KCNH1: variants seen among roughly 807,000 people sequenced by gnomAD.
The protein encoded by KCNH1 is voltage-gated delayed rectifier potassium channel KCNH1.
In KCNH1, 27 loss-of-function variants were observed where a neutral mutation model predicts 69.2. That is an observed-to-expected ratio of 0.39 (90% confidence interval 0.29 to 0.54). The LOEUF (loss-of-function observed/expected upper bound fraction) is 0.54. Ranked by LOEUF, KCNH1 falls within the 20% of genes least tolerant of loss-of-function variation. KCNH1 has a pLI of 0.68. For synonymous variants in KCNH1, 456 were observed against 487.7 expected (o/e 0.93, Z 0.86); for missense variants, 798 against 1,261.6 (o/e 0.63, Z 5.57).
intron 10 of KCNH1, among the ~76,000 whole-genome samples, chr1:210,764,146 C>T (rs570119382): frequency 5.9e-5 from 9 of 152,010 alleles, no homozygotes; most frequent in Non-Finnish European, 8.8e-5. Flanking sequence ...ATAAATGATA[C>T]GAGAAAATTG....
chr1:210,784,390 AAGAC>A (rs1457845419), intron 9 of KCNH1, among the ~76,000 whole-genome samples: 1 of 152,238 alleles, frequency 6.6e-6, no homozygotes, highest in East Asian at 1.9e-4. Flanking sequence ...ACATACATCA[AAGAC>A]AGACAGACAC....
At position 210,891,865 on chromosome 1, in the gene KCNH1, G is replaced by A. The variant is rs34640543; in HGVS notation, c.1462+27775C>T. On this transcript the variant is annotated intron_variant, in intron 7 of 10. Transcript: ENST00000271751. ...AAAGAAAATGTGGCACATATTCACC[G>A]TGGATACTATGCAGACATAAAAAAG... Among the ~76,000 whole-genome samples, 52 of 152,206 alleles carry A rather than the reference G, an allele frequency of 3.4e-4. No individual in the cohort carries two copies. In the East Asian group the frequency reaches 7.5e-3, roughly 22 times the overall value.
intron 3 of KCNH1, among the ~76,000 whole-genome samples, chr1:211,100,684 G>A (rs1355821140): frequency 6.6e-6 from 1 of 152,178 alleles, no homozygotes; most frequent in African/African-American, 2.4e-5. Context: ...TACTCCATGA[G>A]TTTGGGTGGA....
At chr1:210,701,850 C>T (rs1681789359) in intron 10 of KCNH1, among the ~76,000 whole-genome samples, 1 of 152,124 alleles carries the variant, frequency 6.6e-6, no homozygotes, top group African/African-American at 2.4e-5. Context: ...CCCTCCACTG[C>T]TGACCTATGG....
chr1:211,073,964 G>A (rs1231037395), intron 5 of KCNH1, among the ~76,000 whole-genome samples: 1 of 151,648 alleles, frequency 6.6e-6, no homozygotes, highest in Non-Finnish European at 1.5e-5. Flanking sequence ...CTCTAGCCAG[G>A]CTAACTAAAA....
chr1:211,068,820 C>A (rs934476304), intron 5 of KCNH1, among the ~76,000 whole-genome samples: 10 of 152,136 alleles, frequency 6.6e-5, no homozygotes, highest in Non-Finnish European at 1.3e-4. Context: ...TGAACAGAAA[C>A]CTCCACAGGA....
intron 5 of KCNH1, among the ~76,000 whole-genome samples, chr1:211,050,322 C>T (rs186731430): frequency 1.2e-3 from 156 of 133,202 alleles, no homozygotes; most frequent in African/African-American, 3.7e-3. Context: ...GCTGGGGTGG[C>T]GCTCTAGTCA....
At chr1:210,749,042 C>A (rs1054271724) in intron 10 of KCNH1, among the ~76,000 whole-genome samples, 2 of 152,180 alleles carry the variant, frequency 1.3e-5, no homozygotes, top group African/African-American at 4.8e-5. Context: ...AGTTTGAATT[C>A]TCCCCAGGCT....
chr1:210,960,218 C>A (rs1339456058), intron 6 of KCNH1, among the ~76,000 whole-genome samples: 1 of 152,194 alleles, frequency 6.6e-6, no homozygotes, highest in East Asian at 1.9e-4. Flanking sequence ...TGCATCTACC[C>A]ATGTGCTCTT....
intron 3 of KCNH1, among the ~76,000 whole-genome samples, chr1:211,094,844 T>C (rs1691117649): frequency 6.6e-6 from 1 of 152,218 alleles, no homozygotes; most frequent in East Asian, 1.9e-4. Flanking sequence ...TCCTAGGTGG[T>C]ACAGACCAGT....
At chr1:210,719,554 T>C (rs117979413) in intron 10 of KCNH1, among the ~76,000 whole-genome samples, 1 of 151,986 alleles carries the variant, frequency 6.6e-6, no homozygotes, top group East Asian at 1.9e-4. Context: ...GGGGAGTGGA[T>C]AGCAAGGGGA....
chr1:210,757,537 A>C (rs989895274), intron 10 of KCNH1, among the ~76,000 whole-genome samples: 2 of 151,988 alleles, frequency 1.3e-5, no homozygotes, highest in African/African-American at 4.8e-5. Context: ...CCACTCCCTG[A>C]CTCTTCAGGT....
intron 6 of KCNH1, among the ~76,000 whole-genome samples, chr1:210,928,967 C>T (rs1687630233): frequency 6.6e-6 from 1 of 152,078 alleles, no homozygotes; most frequent in Non-Finnish European, 1.5e-5. Flanking sequence ...TGCAACCCTC[C>T]TAGATTTAAC....
chr1:211,032,377 T>A (rs1263336181), intron 5 of KCNH1, among the ~76,000 whole-genome samples: 1 of 152,174 alleles, frequency 6.6e-6, no homozygotes, highest in East Asian at 1.9e-4. Flanking sequence ...CATCAAGCTA[T>A]CAATGACTTT....
rs749847101 is a variant in KCNH1 at position 211,019,197 on chromosome 1, G to A, written c.618C>T (p.Pro206=). The part of the protein sequence containing the change: ...PQYKQEAPKT[P]PHIILHYCVF... ...CACAATAATGTAAGATGATGTGAGG[G>A]GGAGTCTTTGGTGCCTCTTGCTTGT... is the stretch of plus-strand genomic sequence containing the variant. The change falls in exon 6 of 11, where the codon CCC becomes CCT. Residue 206 remains proline, a synonymous_variant. Coordinates refer to ENST00000271751, the MANE Select transcript of KCNH1 (RefSeq NM_172362.3). 1.2e-6 allele frequency: 2 copies of A among 1,613,222 alleles called. No homozygotes were observed. The highest frequency in any genetic ancestry group is 1.7e-6 in the Non-Finnish European group (2 of 1,179,916).
At chr1:211,007,645 C>T (rs1384845765) in intron 6 of KCNH1, among the ~76,000 whole-genome samples, 2 of 152,158 alleles carry the variant, frequency 1.3e-5, no homozygotes, top group South Asian at 2.1e-4. Context: ...TTCCTCAGCA[C>T]GTATGAGTCC....
At chr1:211,113,815 T>C (rs1028755762) in intron 1 of KCNH1, among the ~76,000 whole-genome samples, 1 of 152,058 alleles carries the variant, frequency 6.6e-6, no homozygotes, top group African/African-American at 2.4e-5. Flanking sequence ...CCAAGGGCTA[T>C]ATGTCAACCT....
chr1:211,002,546 T>C (rs1452961893), intron 6 of KCNH1, among the ~76,000 whole-genome samples: 1 of 151,986 alleles, frequency 6.6e-6, no homozygotes, highest in Non-Finnish European at 1.5e-5. Context: ...AGTTATTGAA[T>C]GTAGACATTA....
At chr1:211,086,786 G>A (rs561455402) in intron 4 of KCNH1, among the ~76,000 whole-genome samples, 1 of 152,122 alleles carries the variant, frequency 6.6e-6, no homozygotes, top group Admixed American at 6.5e-5. Flanking sequence ...ATAAGTCCAG[G>A]GGTACCAAAA....
Sources: allele counts gnomAD v4.1 joint callset (sites outside exome capture counted in the v4.1 genomes callset), GRCh38; gene constraint gnomAD v4.1.1; transcripts MANE v1.5; gene names NCBI Gene and HGNC (gene_info 2026-07-23, HGNC 2026-07-21).